ZBBX: variants seen among roughly 807,000 people sequenced by gnomAD.
ZBBX encodes zinc finger B-box domain containing, also known as zinc finger B-box domain-containing protein 1.
A neutral mutation model predicts 108.5 loss-of-function variants in ZBBX; 101 were observed. That is an observed-to-expected ratio of 0.93 (90% confidence interval 0.79 to 1.10). The LOEUF (loss-of-function observed/expected upper bound fraction) is 1.10. ZBBX is among the 50% of genes least tolerant of loss of function. The pLI, the probability that ZBBX is intolerant of heterozygous loss-of-function variation, is 0.00. For missense variants in ZBBX, 1,009 were observed against 941.4 expected (o/e 1.07, Z -0.94); for synonymous variants, 356 against 323.4 (o/e 1.10, Z -1.08).
At chr3:167,348,363 AGAAAG>A (rs1236211344) in intron 9 of ZBBX, among the ~76,000 whole-genome samples, 3 of 148,728 alleles carry the variant, frequency 2.0e-5, no homozygotes, top group African/African-American at 5.0e-5. Flanking sequence ...AAAGAAAGAA[AGAAAG>A]AAAAAAAAGA....
chr3:167,181,754 A>G, the ZBBX span, among the ~76,000 whole-genome samples: 4 of 152,174 alleles, frequency 2.6e-5, no homozygotes, highest in African/African-American at 9.7e-5. Flanking sequence ...GAATTTCCCC[A>G]TTGTAATCTG....
At chr3:167,325,778 A>G (rs1737273050) in intron 11 of ZBBX, among the ~76,000 whole-genome samples, 1 of 152,182 alleles carries the variant, frequency 6.6e-6, no homozygotes, top group Non-Finnish European at 1.5e-5. Context: ...CTTGTGCCCA[A>G]ATATTAGCAA....
At chr3:167,280,121 T>G (rs1576874542) in intron 20 of ZBBX, among the ~76,000 whole-genome samples, 1 of 152,112 alleles carries the variant, frequency 6.6e-6, no homozygotes, top group Middle Eastern at 3.4e-3. Context: ...AGACTTAAAC[T>G]TTAGACCAAA....
intron 20 of ZBBX, among the ~76,000 whole-genome samples, chr3:167,280,311 C>T (rs1728553207): frequency 6.7e-6 from 1 of 150,058 alleles, no homozygotes; most frequent in Admixed American, 6.6e-5. Flanking sequence ...TCAGAGTGAA[C>T]AGGTAACCTA....
intron 19 of ZBBX, among the ~76,000 whole-genome samples, chr3:167,285,539 A>C (rs900545863): frequency 6.6e-5 from 10 of 152,116 alleles, no homozygotes; most frequent in African/African-American, 2.2e-4. Context: ...GGTTAAGTGG[A>C]AAGAATACTA....
In ZBBX at chr3:167,316,990, C is replaced by T. The variant is rs1249975653; in HGVS notation, c.1194+15G>A. On this transcript the variant is annotated intron_variant, in intron 14 of 21. Coordinates refer to ENST00000675490, the MANE Select transcript of ZBBX (RefSeq NM_001199201.2). ...TTAAAAATCATGAATGGTCATTATG[C>T]ACTTATGCACTTACATCATCCAGTT... The T allele has an allele frequency of 6.2e-6, 9 of 1,462,914 alleles. No individual in the cohort carries two copies. Among genetic ancestry groups the T allele is most frequent in the Admixed American group, 1.8e-5 (1 of 54,218 alleles). The allele number at this position is 1,462,914 out of a possible 1,614,324, so 90.6% of individuals were successfully genotyped here.
At chr3:167,188,713 C>T in the ZBBX span, among the ~76,000 whole-genome samples, 1 of 152,100 alleles carries the variant, frequency 6.6e-6, no homozygotes, top group African/African-American at 2.4e-5. Flanking sequence ...AATAACTTTC[C>T]TTTATTCATT....
chr3:167,330,405 T>C (rs561107015), intron 10 of ZBBX, among the ~76,000 whole-genome samples: 16 of 151,782 alleles, frequency 1.1e-4, no homozygotes, highest in Admixed American at 5.9e-4. Flanking sequence ...CATTCAAGAG[T>C]TTTTAGCTGG....
intron 4 of ZBBX, among the ~76,000 whole-genome samples, chr3:167,371,270 T>C (rs1746118941): frequency 6.6e-6 from 1 of 152,170 alleles, no homozygotes; most frequent in Non-Finnish European, 1.5e-5. Context: ...GACAATTGGA[T>C]ATGTCTGAGA....
intron 1 of ZBBX, among the ~76,000 whole-genome samples, chr3:167,389,902 C>A (rs371767735): frequency 2.6e-5 from 4 of 152,012 alleles, no homozygotes; most frequent in African/African-American, 9.7e-5. Flanking sequence ...AATTTTCTCA[C>A]ATTCTGTAGG....
At chr3:167,296,951 C>T (rs1731789483) in intron 18 of ZBBX, among the ~76,000 whole-genome samples, 1 of 152,010 alleles carries the variant, frequency 6.6e-6, no homozygotes, top group African/African-American at 2.4e-5. Flanking sequence ...AGCTGGAAGA[C>T]TCACACTTTC....
At chr3:167,299,262 AT>A (rs1732208600) in intron 17 of ZBBX, among the ~76,000 whole-genome samples, 3 of 152,174 alleles carry the variant, frequency 2.0e-5, no homozygotes, top group African/African-American at 7.2e-5. Context: ...CCATAAATCA[AT>A]GTAAAGCAAC....
At chr3:167,400,707 C>T (rs969817903) in intron 1 of ZBBX, among the ~76,000 whole-genome samples, 14 of 152,026 alleles carry the variant, frequency 9.2e-5, no homozygotes, top group African/African-American at 3.4e-4. Context: ...ACACATGCAC[C>T]AGAGCACAGC....
chr3:167,199,632 G>C, the ZBBX span, among the ~76,000 whole-genome samples: 1 of 152,032 alleles, frequency 6.6e-6, no homozygotes, highest in Non-Finnish European at 1.5e-5. Context: ...GTTTAATGTA[G>C]GATTCTCTCA....
At chr3:167,368,633 T>C (rs974120477) in intron 4 of ZBBX, 59 bp from the exon 5 acceptor site, 7 of 1,417,454 alleles carry the variant, frequency 4.9e-6, no homozygotes, top group South Asian at 3.0e-5. Flanking sequence ...AAAATAATTT[T>C]ATATAATCTT....
chr3:167,359,810 T>C (rs1744212633), intron 8 of ZBBX, 60 bp downstream of exon 8: 2 of 828,718 alleles, frequency 2.4e-6, no homozygotes, highest in East Asian at 3.2e-5. Flanking sequence ...AAAGTTCTAT[T>C]CTAACTGCTT....
At chr3:167,228,089 G>T in the ZBBX span, among the ~76,000 whole-genome samples, 1 of 151,668 alleles carries the variant, frequency 6.6e-6, no homozygotes, top group Non-Finnish European at 1.5e-5. Context: ...TCTAAAACTA[G>T]AAAGAATCCT....
intron 8 of ZBBX, among the ~76,000 whole-genome samples, chr3:167,355,048 A>G (rs1050050890): frequency 6.6e-6 from 1 of 152,006 alleles, no homozygotes; most frequent in East Asian, 1.9e-4. Flanking sequence ...TGCTTCCTCA[A>G]TGATGGAATA....
At chr3:167,254,195 T>G (rs1335166877) in intron 20 of ZBBX, among the ~76,000 whole-genome samples, 1 of 152,116 alleles carries the variant, frequency 6.6e-6, no homozygotes, top group Non-Finnish European at 1.5e-5. Context: ...ACTGACATAT[T>G]TTTTTGTAAA....
Sources: gnomAD v4.1 joint callset for allele counts (sites outside exome capture counted in the v4.1 genomes callset) on GRCh38, gnomAD v4.1.1 for gene constraint, MANE v1.5 for transcripts, NCBI Gene and HGNC (gene_info 2026-07-23, HGNC 2026-07-21) for gene names.